The following ANKRD44 variants were observed in gnomAD, a reference collection of about 807,000 sequenced individuals.
ANKRD44 encodes the protein ankyrin repeat domain 44.
ANKRD44 carries 35 observed loss-of-function variants against 116.0 expected under a neutral mutation model. The ratio of observed to expected loss-of-function variants is 0.30; its 90% CI spans 0.23 to 0.40. The LOEUF (loss-of-function observed/expected upper bound fraction) is 0.40. ANKRD44 is among the 10% of genes least tolerant of loss of function. The probability of loss-of-function intolerance (pLI) is 1.00; values close to 1 mark genes in which losing one functional copy is unlikely to be tolerated. For synonymous variants in ANKRD44, 435 were observed against 461.8 expected, an observed-to-expected ratio of 0.94 and a Z score of 0.74; for missense variants, 1,014 against 1,242.6, an observed-to-expected ratio of 0.82 and a Z score of 2.77.
At chr2:197,141,411 A>G (rs906693853) in intron 3 of ANKRD44, among the ~76,000 whole-genome samples, 1 of 152,028 alleles carries the variant, frequency 6.6e-6, no homozygotes, top group Admixed American at 6.5e-5. Flanking sequence ...TCTTATTTAT[A>G]TTTACACACT....
intron 1 of ANKRD44, chr2:197,198,105 T>G (rs2081001806): frequency 6.6e-6 from 1 of 152,228 alleles, no homozygotes; most frequent in African/African-American, 2.4e-5. Flanking sequence ...GGACTTTCCC[T>G]TCTTCATATT....
intron 16 of ANKRD44, among the ~76,000 whole-genome samples, chr2:197,049,903 T>C (rs1452314085): frequency 6.6e-6 from 1 of 152,194 alleles, no homozygotes; most frequent in Non-Finnish European, 1.5e-5. Flanking sequence ...ATGATCTCTC[T>C]TTTTAATCTT....
chr2:197,058,602 T>C (rs2077248871), intron 16 of ANKRD44, among the ~76,000 whole-genome samples: 1 of 152,306 alleles, frequency 6.6e-6, no homozygotes, highest in South Asian at 2.1e-4. Flanking sequence ...GTGAATGGTA[T>C]CTATAAGAGC....
chr2:197,082,583 T>C (rs1400577189), intron 14 of ANKRD44, among the ~76,000 whole-genome samples: 1 of 152,148 alleles, frequency 6.6e-6, no homozygotes, highest in East Asian at 1.9e-4. Flanking sequence ...GCATATGGGG[T>C]CATGACTGTA....
At chr2:197,167,509 A>G (rs952348534) in intron 2 of ANKRD44, among the ~76,000 whole-genome samples, 1 of 152,198 alleles carries the variant, frequency 6.6e-6, no homozygotes, top group Non-Finnish European at 1.5e-5. Flanking sequence ...ATCATCGAAG[A>G]CTTCCCAGAA....
Position 197,276,712 on chromosome 2 carries a change from T to C in ANKRD44, c.27+33866A>G, listed in dbSNP as rs116620725. 5.9e-3 allele frequency among the ~76,000 whole-genome samples: 906 copies of C among 152,280 alleles called. 10 individuals are homozygous for C. Among genetic ancestry groups the C allele is most frequent in the African/African-American group, 0.021 (856 of 41,546 alleles). ...AATATTGTGTGTGAGTTCTATTATC[T>C]GTGAGTTTCCATTTCAGGAAGAGGA... On this transcript the variant is annotated intron_variant, in intron 1 of 27. Coordinates refer to ENST00000282272, the MANE Select transcript of ANKRD44 (RefSeq NM_001195144.2).
chr2:196,999,062 T>C lies in ANKRD44; in HGVS notation c.2520-10A>G. ...CGCATGAAGGGGTGTCCTAAAGATT[T>C]AAAACAAGTATCACTTTAGTTTCCT... On this transcript the variant is annotated splice_polypyrimidine_tract_variant and intron_variant, in intron 23 of 27. Coordinates refer to ENST00000282272, the MANE Select transcript of ANKRD44 (RefSeq NM_001195144.2). The C allele has an allele frequency of 6.2e-7, 1 of 1,612,572 alleles. No homozygotes were observed. The highest frequency in any genetic ancestry group is 1.1e-5 in the South Asian group (1 of 90,770).
intron 16 of ANKRD44, among the ~76,000 whole-genome samples, chr2:197,050,050 G>A (rs1372409093): frequency 6.6e-6 from 1 of 152,072 alleles, no homozygotes; most frequent in Non-Finnish European, 1.5e-5. Context: ...GCATGAGGCT[G>A]GCATCTGCTC....
intron 2 of ANKRD44, among the ~76,000 whole-genome samples, chr2:197,184,555 C>T (rs550419952): frequency 2.0e-5 from 3 of 148,332 alleles, no homozygotes; most frequent in Admixed American, 6.9e-5. Flanking sequence ...ACAGGAGAAT[C>T]GCTTGACCCG....
At chr2:196,993,504 C>A (rs2075957088) in intron 27 of ANKRD44, 79 bp downstream of exon 27, 5 of 1,163,870 alleles carry the variant, frequency 4.3e-6, no homozygotes, top group Admixed American at 2.0e-5. Context: ...TTTATACTAG[C>A]TCCTATCTTT....
At chr2:197,267,628 C>T (rs2082775141) in intron 1 of ANKRD44, among the ~76,000 whole-genome samples, 1 of 152,182 alleles carries the variant, frequency 6.6e-6, no homozygotes, top group Non-Finnish European at 1.5e-5. Flanking sequence ...GCTGAAATGA[C>T]ATGCTGTGGT....
chr2:197,226,384 G>A (rs1046480473), intron 1 of ANKRD44, among the ~76,000 whole-genome samples: 11 of 152,104 alleles, frequency 7.2e-5, no homozygotes, highest in East Asian at 1.9e-4. Flanking sequence ...AGAGTTTCCC[G>A]ACCAGGCACG....
chr2:197,249,002 G>T (rs2082258617), intron 1 of ANKRD44, among the ~76,000 whole-genome samples: 1 of 152,206 alleles, frequency 6.6e-6, no homozygotes, highest in Non-Finnish European at 1.5e-5. Flanking sequence ...GCCGAGTGAG[G>T]TGGCTCATAC....
At chr2:197,131,420 T>C (rs905979247) in intron 4 of ANKRD44, among the ~76,000 whole-genome samples, 17 of 152,030 alleles carry the variant, frequency 1.1e-4, no homozygotes, top group African/African-American at 4.1e-4. Flanking sequence ...CTCGATCTCC[T>C]GACCTCGTGA....
At chr2:197,093,409 AT>A (rs1189197370) in intron 10 of ANKRD44, among the ~76,000 whole-genome samples, 4 of 151,950 alleles carry the variant, frequency 2.6e-5, no homozygotes, top group East Asian at 3.9e-4. Flanking sequence ...ACATTCGCTG[AT>A]TTTTTTTCAC....
intron 10 of ANKRD44, among the ~76,000 whole-genome samples, chr2:197,092,014 G>A (rs1161789211): frequency 2.0e-5 from 3 of 152,038 alleles, no homozygotes; most frequent in South Asian, 2.1e-4. Flanking sequence ...GTCTTCTGTC[G>A]GCAGCACTTT....
intron 11 of ANKRD44, 139 bp from the exon 12 acceptor site, chr2:197,088,913 G>T: frequency 1.2e-6 from 1 of 841,838 alleles, no homozygotes; most frequent in South Asian, 2.7e-5. Flanking sequence ...GTCAGAAAGA[G>T]GTTGTCATGG....
At chr2:197,276,925 A>ATT (rs2083104298) in intron 1 of ANKRD44, among the ~76,000 whole-genome samples, 1 of 133,272 alleles carries the variant, frequency 7.5e-6, no homozygotes, top group African/African-American at 2.7e-5. Flanking sequence ...AGAACCCAGG[A>ATT]ATTTTTTTTT....
intron 1 of ANKRD44, among the ~76,000 whole-genome samples, chr2:197,264,504 T>A (rs1444972739): frequency 6.6e-6 from 1 of 152,246 alleles, no homozygotes; most frequent in Non-Finnish European, 1.5e-5. Context: ...GATGATAGCA[T>A]CAACGTTTTT....
Sources: gnomAD v4.1 joint callset for allele counts (sites outside exome capture counted in the v4.1 genomes callset) on GRCh38, gnomAD v4.1.1 for gene constraint, MANE v1.5 for transcripts, NCBI Gene and HGNC (gene_info 2026-07-23, HGNC 2026-07-21) for gene names.